Variants in MMD2 observed in about 807,000 individuals in gnomAD.
The protein encoded by MMD2 is monocyte to macrophage differentiation associated 2, also known as monocyte to macrophage differentiation factor 2.
Under a neutral mutation model 33.5 loss-of-function variants are expected in MMD2, and 30 were observed. The ratio of observed to expected loss-of-function variants is 0.90; its 90% confidence interval spans 0.67 to 1.22. The LOEUF is 1.22. Ranked by LOEUF, MMD2 falls within the 50% of genes most tolerant of loss-of-function variation. The probability of loss-of-function intolerance (pLI) is 0.00; values close to 1 mark genes in which losing one functional copy is unlikely to be tolerated. For synonymous variants in MMD2, 129 were observed against 123.0 expected, an observed-to-expected ratio of 1.05 and a Z score of -0.32; for missense variants, 364 against 325.4, an observed-to-expected ratio of 1.12 and a Z score of -0.91.
chr7:4,955,970 T>A (rs1786372077), intron 1 of MMD2, among the ~76,000 whole-genome samples: 1 of 151,928 alleles, frequency 6.6e-6, no homozygotes, highest in Non-Finnish European at 1.5e-5. Context: ...GGAGAATCGC[T>A]TAAACCTGGG....
the MMD2 span, among the ~76,000 whole-genome samples, chr7:4,896,635 A>C: frequency 2.0e-5 from 3 of 152,160 alleles, no homozygotes; most frequent in Non-Finnish European, 2.9e-5. Context: ...CGCAGACTCT[A>C]ATTCCTGGCC....
rs146716786 is a variant in MMD2, at chr7:4,954,685, T to C, written c.47+4286A>G. Among the ~76,000 whole-genome samples the C allele has an allele frequency of 1.2e-3, 188 of 152,260 alleles. 1 individual carries two copies. The highest frequency in any genetic ancestry group is 0.012 in the East Asian group (60 of 5,180). ...CCTCCCACCTCGGCCTCCCAAAATG[T>C]TGGGATTACAGGCATAAGCCACCTT... On this transcript the variant is annotated intron_variant, in intron 1 of 6. Transcript: ENST00000401401.
rs1262210034 is a variant in MMD2, at chr7:4,907,266, G to T, written c.*130C>A. 16 of 834,512 alleles carry T rather than the reference G, an allele frequency of 1.9e-5. No homozygotes were observed. Among genetic ancestry groups the T allele is most frequent in the Non-Finnish European group, 3.1e-5 (16 of 518,352 alleles). The allele number at this position is 834,512 out of a possible 1,614,324, so 51.7% of individuals were successfully genotyped here. Reference sequence around the variant, plus strand: ...AGGGATGATCTGGCTGTCACCAGAAGTCACCTTGGAGCCATCAAGAACTCT... The same window carrying T: ...AGGGATGATCTGGCTGTCACCAGAATTCACCTTGGAGCCATCAAGAACTCT... On this transcript the variant is annotated 3_prime_UTR_variant, in exon 7 of 7. Coordinates refer to ENST00000401401, the MANE Select transcript of MMD2 (RefSeq NM_198403.4).
intron 1 of MMD2, among the ~76,000 whole-genome samples, chr7:4,941,825 C>T (rs1785920880): frequency 6.6e-6 from 1 of 151,474 alleles, no homozygotes. Flanking sequence ...TTCTTAATAG[C>T]ACCAGGAAGG....
the MMD2 span, among the ~76,000 whole-genome samples, chr7:4,900,388 G>T: frequency 7.2e-5 from 11 of 152,234 alleles, no homozygotes; most frequent in Middle Eastern, 6.8e-3. Flanking sequence ...TGGTAAAAAG[G>T]GATGGTGTGC....
chr7:4,948,299 G>C (rs955505340), intron 1 of MMD2, among the ~76,000 whole-genome samples: 34 of 152,210 alleles, frequency 2.2e-4, no homozygotes, highest in South Asian at 8.3e-4. Context: ...GACTGAGGCA[G>C]GCAGATCACC....
chr7:4,933,940 C>CTT lies in MMD2; in HGVS notation c.48-8410_48-8409dup, dbSNP rs71032998. 6.5e-4 allele frequency among the ~76,000 whole-genome samples: 78 copies of CTT among 119,086 alleles called. 2 individuals carry two copies. Among genetic ancestry groups the CTT allele is most frequent in the South Asian group, 2.6e-3 (9 of 3,400 alleles). 78.1% of individuals were successfully genotyped at this position (119,086 alleles called of 152,430 possible). A position where few individuals can be genotyped will look rare whatever the true frequency, so the allele number is the denominator to read the frequency against. On this transcript the variant is annotated intron_variant, in intron 1 of 6. Transcript: ENST00000401401. ...GAGACACTGTGCCCGGCCACAATGCCTTTTTTTTTTTTTTTTTTTGAGACA... is the reference window on the plus strand; with the variant it reads ...GAGACACTGTGCCCGGCCACAATGCCTTTTTTTTTTTTTTTTTTTTTGAGACA...
In MMD2 at chr7:4,920,340, G is replaced by T; in HGVS notation, c.130-9C>A. On this transcript the variant is annotated splice_polypyrimidine_tract_variant and intron_variant, in intron 2 of 6. Coordinates refer to ENST00000401401, the MANE Select transcript of MMD2 (RefSeq NM_198403.4). ...CTGGGGATGATCCAGAACTGGAGGG[G>T]CAGGGACGGCAGGGACAGGTGCAGC... 1 of 1,602,206 alleles carries T rather than the reference G, an allele frequency of 6.2e-7. No homozygotes were observed. The highest frequency in any genetic ancestry group is 8.5e-7 in the Non-Finnish European group (1 of 1,174,990).
At chr7:4,902,331 A>C (rs1784805614), downstream of MMD2, among the ~76,000 whole-genome samples, 1 of 152,206 alleles carries the variant, frequency 6.6e-6, no homozygotes, top group Non-Finnish European at 1.5e-5. Flanking sequence ...GTTTCCTTGC[A>C]AGCAGCCAGG....
At chr7:4,896,237 TG>T in the MMD2 span, among the ~76,000 whole-genome samples, 3 of 152,100 alleles carry the variant, frequency 2.0e-5, no homozygotes, top group African/African-American at 4.8e-5. Flanking sequence ...CCTAGCACTT[TG>T]GGAGGCTGAG....
chr7:4,906,263 C>T lies in MMD2; in HGVS notation c.*1133G>A, dbSNP rs2115080568. 2 of 382,580 alleles carry T rather than the reference C, an allele frequency of 5.2e-6. No homozygotes were observed. The highest frequency in any genetic ancestry group is 9.3e-6 in the Non-Finnish European group (2 of 216,190). 23.7% of individuals were successfully genotyped at this position (382,580 alleles called of 1,614,324 possible). A position where few individuals can be genotyped will look rare whatever the true frequency, so the allele number is the denominator to read the frequency against. On this transcript the variant is annotated 3_prime_UTR_variant, in exon 7 of 7. Coordinates refer to ENST00000401401, the MANE Select transcript of MMD2 (RefSeq NM_198403.4). ...GGCAGCATTGGACAGAGAGGCTGGC[C>T]CCGCCCTGACGGGGGCTGAAGAACA...
intron 1 of MMD2, among the ~76,000 whole-genome samples, chr7:4,929,140 C>T (rs1785507354): frequency 6.6e-6 from 1 of 152,168 alleles, no homozygotes; most frequent in South Asian, 2.1e-4. Context: ...CAGGGGTCTC[C>T]AGGTTCGGGT....
intron 5 of MMD2, 79 bp from the exon 6 acceptor site, chr7:4,910,029 G>A (rs764495893): frequency 1.4e-5 from 23 of 1,613,692 alleles, no homozygotes; most frequent in Middle Eastern, 1.7e-4. Flanking sequence ...TGTTCTTGGG[G>A]AAGAGGGAAC....
At position 4,907,281 on chromosome 7, in the gene MMD2, T is replaced by C. The variant is rs1199427458; in HGVS notation, c.*115A>G. On this transcript the variant is annotated 3_prime_UTR_variant, in exon 7 of 7. Coordinates refer to ENST00000401401, the MANE Select transcript of MMD2 (RefSeq NM_198403.4). Reference sequence around the variant, plus strand: ...GTCACCAGAAGTCACCTTGGAGCCATCAAGAACTCTACCCAATAAAGGGAA... The same window carrying C: ...GTCACCAGAAGTCACCTTGGAGCCACCAAGAACTCTACCCAATAAAGGGAA... 5 of 1,004,912 alleles carry C rather than the reference T, an allele frequency of 5.0e-6. No homozygotes were observed. The African/African-American group carries it at 6.4e-5, about 13-fold the overall frequency. The allele number at this position is 1,004,912 out of a possible 1,614,324, so 62.2% of individuals were successfully genotyped here. A position where few individuals can be genotyped will look rare whatever the true frequency, so the allele number is the denominator to read the frequency against.
At chr7:4,893,731 T>C in the MMD2 span, among the ~76,000 whole-genome samples, 1 of 152,052 alleles carries the variant, frequency 6.6e-6, no homozygotes, top group East Asian at 1.9e-4. Context: ...GGTGGATTAT[T>C]CATGAGTTTT....
intron 1 of MMD2, among the ~76,000 whole-genome samples, chr7:4,933,103 C>T (rs547094272): frequency 9.9e-5 from 15 of 152,050 alleles, no homozygotes; most frequent in African/African-American, 3.4e-4. Flanking sequence ...TGATCAGGCA[C>T]GGCAGCTCAC....
chr7:4,924,109 A>C (rs111945426), intron 2 of MMD2, among the ~76,000 whole-genome samples: 1 of 152,214 alleles, frequency 6.6e-6, no homozygotes, highest in African/African-American at 2.4e-5. Flanking sequence ...GGAGAATGGC[A>C]TGAACCCAGG....
Position 4,940,999 on chromosome 7 carries a change from C to T in MMD2, c.48-15467G>A, listed in dbSNP as rs543690098. On this transcript the variant is annotated intron_variant, in intron 1 of 6. Coordinates refer to ENST00000401401, the MANE Select transcript of MMD2 (RefSeq NM_198403.4). The surrounding 1 kb of genome is among the most constrained non-coding windows in gnomAD (Gnocchi z 5.0). The stretch of plus-strand genomic sequence containing the variant: ...TCCAAAGCTAGGACCATCTCCCAGC[C>T]TCAGGAGGCTCCCAGATGCTATCAA... Among the ~76,000 whole-genome samples, 168 of 152,308 alleles carry T rather than the reference C, an allele frequency of 1.1e-3. No individual in the cohort carries two copies. Among genetic ancestry groups the T allele is most frequent in the African/African-American group, 3.5e-3 (145 of 41,580 alleles).
chr7:4,912,239 A>C (rs551392359), intron 4 of MMD2, among the ~76,000 whole-genome samples: 3 of 152,102 alleles, frequency 2.0e-5, no homozygotes, highest in Non-Finnish European at 4.4e-5. Context: ...GAAGAATAAG[A>C]TGACAATATT....
Sources: gnomAD v4.1 joint callset for allele counts (sites outside exome capture counted in the v4.1 genomes callset) on GRCh38, gnomAD v4.1.1 for gene constraint, Gnocchi (gnomAD v3.1) non-coding constraint, MANE v1.5 for transcripts, NCBI Gene and HGNC (gene_info 2026-07-23, HGNC 2026-07-21) for gene names.